Variants in FAM76A observed in about 807,000 individuals in gnomAD.
FAM76A encodes the protein protein FAM76A.
Under a neutral mutation model 46.2 loss-of-function variants are expected in FAM76A, and 32 were observed. The observed-to-expected ratio is 0.69, with a 90% CI of 0.52 to 0.93. The LOEUF (loss-of-function observed/expected upper bound fraction) is 0.93. Ranked by LOEUF, FAM76A falls within the 40% of genes least tolerant of loss-of-function variation. The probability of loss-of-function intolerance (pLI) is 0.00; values close to 1 mark genes in which losing one functional copy is unlikely to be tolerated. For missense variants in FAM76A, 274 were observed against 361.5 expected (o/e 0.76, Z 1.96); for synonymous variants, 137 against 127.0 (o/e 1.08, Z -0.53).
chr1:27,730,847 ACT>A (rs1365651065), intron 2 of FAM76A, among the ~76,000 whole-genome samples: 1 of 151,890 alleles, frequency 6.6e-6, no homozygotes, highest in Non-Finnish European at 1.5e-5. Flanking sequence ...ACAGGGTCTC[ACT>A]CTGTCACTCA....
chr1:27,731,344 C>G (rs762284066), intron 2 of FAM76A, among the ~76,000 whole-genome samples: 1 of 151,734 alleles, frequency 6.6e-6, no homozygotes, highest in Non-Finnish European at 1.5e-5. Context: ...GCTGGGATTA[C>G]AGGCACACAC....
At chr1:27,756,584 C>T (rs2148587045) in intron 7 of FAM76A, among the ~76,000 whole-genome samples, 1 of 149,726 alleles carries the variant, frequency 6.7e-6, no homozygotes, top group South Asian at 2.3e-4. Context: ...AGCCACTGTG[C>T]CCGGCCTCAG....
intron 1 of FAM76A, among the ~76,000 whole-genome samples, chr1:27,726,558 G>A (rs2087864365): frequency 6.6e-6 from 1 of 152,172 alleles, no homozygotes; most frequent in African/African-American, 2.4e-5. Context: ...TGCCTTGGAG[G>A]AATGTGTCGA....
intron 2 of FAM76A, among the ~76,000 whole-genome samples, chr1:27,732,317 C>A (rs555129432): frequency 1.3e-5 from 2 of 152,078 alleles, no homozygotes; most frequent in East Asian, 3.9e-4. Context: ...ATGATTCCAG[C>A]TACTTGGGAG....
At chr1:27,731,641 T>A (rs2087959899) in intron 2 of FAM76A, among the ~76,000 whole-genome samples, 1 of 152,320 alleles carries the variant, frequency 6.6e-6, no homozygotes, top group Admixed American at 6.5e-5. Flanking sequence ...CAGACACACA[T>A]ACTTTATTTG....
rs866228830 is a variant in FAM76A at position 27,726,142 on chromosome 1, A to G, written c.62A>G (p.Gln21Arg). 1.5e-6 allele frequency: 2 copies of G among 1,304,658 alleles called. No individual in the cohort carries two copies. The highest frequency in any genetic ancestry group is 2.0e-6 in the Non-Finnish European group (2 of 1,023,034). The allele number at this position is 1,304,658 out of a possible 1,614,324, so 80.8% of individuals were successfully genotyped here. Residue 21 changes from glutamine (Q) to arginine (R), a missense_variant, in exon 1 of 9, where the codon CAG becomes CGG. Physicochemically the swap from Gln to Arg is conservative, Grantham distance 43 (BLOSUM62 1). Transcript: ENST00000373954. ...CGCTTCCCCTTCGAGGCGCTGTCTC[A>G]GGGGCAGCAGCTGTGCAAGGTGCGC... ...HQRFPFEALSQGQQLCKECRI... is the reference protein window; with the variant it reads ...HQRFPFEALSRGQQLCKECRI...
intron 6 of FAM76A, among the ~76,000 whole-genome samples, chr1:27,750,134 C>T (rs966320331): frequency 3.3e-5 from 5 of 152,268 alleles, no homozygotes; most frequent in African/African-American, 1.2e-4. Context: ...CTGAAAACTC[C>T]TCCCATTCAC....
At chr1:27,743,580 A>G (rs2088191056) in intron 4 of FAM76A, among the ~76,000 whole-genome samples, 1 of 152,194 alleles carries the variant, frequency 6.6e-6, no homozygotes, top group African/African-American at 2.4e-5. Context: ...CCTGGGCAAC[A>G]TGGTGAAACC....
intron 6 of FAM76A, among the ~76,000 whole-genome samples, chr1:27,754,557 C>T (rs184514795): frequency 8.5e-5 from 13 of 152,246 alleles, no homozygotes; most frequent in African/African-American, 1.9e-4. Flanking sequence ...CTCTTTGTTC[C>T]GTTACTAAAG....
intron 5 of FAM76A, among the ~76,000 whole-genome samples, chr1:27,746,702 C>T (rs1011030613): frequency 6.6e-6 from 1 of 151,994 alleles, no homozygotes; most frequent in Non-Finnish European, 1.5e-5. Flanking sequence ...ACTCCATGCT[C>T]GGTGACAGAG....
At position 27,729,371 on chromosome 1, in the gene FAM76A, C is replaced by CT. The variant is rs200915145; in HGVS notation, c.146+1844dup. On this transcript the variant is annotated intron_variant, in intron 2 of 8. Transcript: ENST00000373954. ...CAGGGGTGCACACCACCACACCCAG[C>CT]TTTTTTTTTGTATCTTTAGTAGAGA... 5.3e-5 allele frequency among the ~76,000 whole-genome samples: 8 copies of CT among 150,798 alleles called. No individual in the cohort carries two copies. The East Asian group carries it at 9.8e-4, about 18-fold the overall frequency.
At chr1:27,753,293 G>T (rs1405647145) in intron 6 of FAM76A, among the ~76,000 whole-genome samples, 1 of 152,236 alleles carries the variant, frequency 6.6e-6, no homozygotes, top group Non-Finnish European at 1.5e-5. Context: ...ACAAGAAGCA[G>T]GAAGGGTAGG....
At chr1:27,746,126 A>G (rs956668875) in intron 5 of FAM76A, among the ~76,000 whole-genome samples, 2 of 152,254 alleles carry the variant, frequency 1.3e-5, no homozygotes, top group African/African-American at 4.8e-5. Context: ...TGTTAAAACA[A>G]GAACCTCACC....
intron 5 of FAM76A, among the ~76,000 whole-genome samples, chr1:27,747,802 C>G (rs1383609026): frequency 6.6e-6 from 1 of 152,092 alleles, no homozygotes; most frequent in East Asian, 1.9e-4. Flanking sequence ...CACCTGTAGT[C>G]CCAGCTATTC....
chr1:27,739,679 T>C (rs2088117647), intron 4 of FAM76A, among the ~76,000 whole-genome samples: 1 of 152,038 alleles, frequency 6.6e-6, no homozygotes, highest in South Asian at 2.1e-4. Context: ...TCTCGGCTAC[T>C]TGGGAGGCTG....
intron 4 of FAM76A, chr1:27,740,252 TTTGA>T: frequency 2.8e-6 from 2 of 709,628 alleles, no homozygotes; most frequent in Non-Finnish European, 5.3e-6. Flanking sequence ...ACTCAGAGGC[TTTGA>T]TTGAAGACAT....
chr1:27,729,104 A>AG (rs2087913153), intron 2 of FAM76A, among the ~76,000 whole-genome samples: 1 of 151,988 alleles, frequency 6.6e-6, no homozygotes, highest in East Asian at 1.9e-4. Context: ...TCCTGCCTTG[A>AG]GGAGAGTGGG....
intron 5 of FAM76A, among the ~76,000 whole-genome samples, chr1:27,745,063 T>C (rs1379402583): frequency 6.6e-6 from 1 of 152,226 alleles, no homozygotes; most frequent in African/African-American, 2.4e-5. Context: ...ACTTCGTTTG[T>C]AGTGTTCTCA....
chr1:27,740,168 G>A, intron 4 of FAM76A: 3 of 542,258 alleles, frequency 5.5e-6, no homozygotes, highest in Non-Finnish European at 1.1e-5. Context: ...TGGTGTCCAA[G>A]CTGGAACAGT....
Sources: allele counts gnomAD v4.1 joint callset (sites outside exome capture counted in the v4.1 genomes callset), GRCh38; gene constraint gnomAD v4.1.1; transcripts MANE v1.5; gene names NCBI Gene and HGNC (gene_info 2026-07-23, HGNC 2026-07-21).